Variants in ARL3 observed in about 807,000 individuals in gnomAD.
ARL3 encodes the protein ADP-ribosylation factor-like protein 3.
Under a neutral mutation model 26.0 loss-of-function variants are expected in ARL3, and 9 were observed. The observed-to-expected ratio is 0.35, with a 90% CI of 0.21 to 0.60. The LOEUF (loss-of-function observed/expected upper bound fraction) is 0.60. Ranked by LOEUF, ARL3 falls within the 20% of genes least tolerant of loss-of-function variation. ARL3 has a pLI of 0.78. For missense variants in ARL3, 158 were observed against 215.7 expected, an observed-to-expected ratio of 0.73 and a Z score of 1.67; for synonymous variants, 71 against 78.4, an observed-to-expected ratio of 0.91 and a Z score of 0.50.
chr10:102,676,012 C>T lies in ARL3; in HGVS notation c.*882G>A, dbSNP rs1399600518. The T allele has an allele frequency of 6.6e-6, 1 of 152,666 alleles. No homozygotes were observed. Among genetic ancestry groups the T allele is most frequent in the Non-Finnish European group, 1.5e-5 (1 of 68,056 alleles). 9.5% of individuals were successfully genotyped at this position (152,666 alleles called of 1,614,324 possible). On this transcript the variant is annotated 3_prime_UTR_variant, in exon 6 of 6. Transcript: ENST00000260746. ...GACGGCCGTGGAGAAGCCAGCTAATCTCAGAGTCGGCTGCTCACTGCTCCA... is the reference window on the plus strand; with the variant it reads ...GACGGCCGTGGAGAAGCCAGCTAATTTCAGAGTCGGCTGCTCACTGCTCCA...
intron 3 of ARL3, among the ~76,000 whole-genome samples, chr10:102,692,022 C>T (rs1381637692): frequency 6.6e-6 from 1 of 152,122 alleles, no homozygotes; most frequent in African/African-American, 2.4e-5. Context: ...GTACTAGTGT[C>T]GAGTACAAGG....
intron 3 of ARL3, among the ~76,000 whole-genome samples, chr10:102,693,416 T>C (rs1564731199): frequency 6.6e-6 from 1 of 152,240 alleles, no homozygotes; most frequent in African/African-American, 2.4e-5. Flanking sequence ...ACCATATTAT[T>C]GCTGTTTTAA....
chr10:102,676,746 G>A lies in ARL3; in HGVS notation c.*148C>T. 1.4e-6 allele frequency: 1 copy of A among 729,526 alleles called. No homozygotes were observed. Among genetic ancestry groups the A allele is most frequent in the Non-Finnish European group, 2.3e-6 (1 of 430,702 alleles). The allele number at this position is 729,526 out of a possible 1,614,324, so 45.2% of individuals were successfully genotyped here. On this transcript the variant is annotated 3_prime_UTR_variant, in exon 6 of 6. Coordinates refer to ENST00000260746, the MANE Select transcript of ARL3 (RefSeq NM_004311.4). ...TCAGTTAAATCTACTGCTGGAATGG[G>A]GATTCTTTCTAAACCGTGTTGTTCC...
rs914864735 is a variant in ARL3 at position 102,710,526 on chromosome 10, T to C, written c.3+3747A>G. On this transcript the variant is annotated intron_variant, in intron 1 of 5. Transcript: ENST00000260746. ...ATAGGGCTGAGTTTTGCAGTATAAA[T>C]ACAATGACATTAATTTTTAAAGTGC... Among the ~76,000 whole-genome samples, 6 of 152,204 alleles carry C rather than the reference T, an allele frequency of 3.9e-5. No homozygotes were observed. In the East Asian group the frequency reaches 1.2e-3, roughly 29 times the overall value.
intron 1 of ARL3, among the ~76,000 whole-genome samples, chr10:102,711,353 T>C (rs965714742): frequency 6.6e-6 from 1 of 150,906 alleles, no homozygotes; most frequent in African/African-American, 2.4e-5. Context: ...TATATATATA[T>C]GTATGTATAT....
At chr10:102,679,091 G>A (rs1049289305) in intron 5 of ARL3, among the ~76,000 whole-genome samples, 29 of 152,364 alleles carry the variant, frequency 1.9e-4, no homozygotes, top group African/African-American at 6.5e-4. Flanking sequence ...AATCTGAAGC[G>A]GCTAGTGCTT....
At chr10:102,708,874 T>C (rs2136010557) in intron 1 of ARL3, among the ~76,000 whole-genome samples, 1 of 122,624 alleles carries the variant, frequency 8.2e-6, no homozygotes, top group East Asian at 2.1e-4. Context: ...AAACAAAAAA[T>C]AAAACCATAT....
chr10:102,704,955 G>A (rs1430982087), intron 2 of ARL3, among the ~76,000 whole-genome samples: 4 of 152,080 alleles, frequency 2.6e-5, no homozygotes, highest in South Asian at 2.1e-4. Flanking sequence ...ACATTTTAAC[G>A]TTATAACATA....
intron 2 of ARL3, among the ~76,000 whole-genome samples, chr10:102,701,289 G>C (rs1163498619): frequency 6.6e-6 from 1 of 152,180 alleles, no homozygotes; most frequent in South Asian, 2.1e-4. Context: ...ATTTCATCCA[G>C]AATAACTGGA....
At chr10:102,708,908 A>AT (rs1554864095) in intron 1 of ARL3, among the ~76,000 whole-genome samples, 2,656 of 95,358 alleles carry the variant, frequency 0.028, 81 homozygotes, top group South Asian at 0.053. Flanking sequence ...ATATATATAT[A>AT]TTTTTTTTTT....
intron 1 of ARL3, among the ~76,000 whole-genome samples, chr10:102,711,619 T>G: frequency 6.6e-6 from 1 of 151,672 alleles, no homozygotes. Flanking sequence ...TAGCCGGGCG[T>G]GGTGGCGGGC....
At chr10:102,679,813 C>A (rs566262568) in intron 5 of ARL3, among the ~76,000 whole-genome samples, 1 of 152,198 alleles carries the variant, frequency 6.6e-6, no homozygotes, top group Admixed American at 6.5e-5. Context: ...GCTGCACAAT[C>A]CTCACATATT....
chr10:102,709,534 C>T (rs2136011050), intron 1 of ARL3, among the ~76,000 whole-genome samples: 1 of 148,434 alleles, frequency 6.7e-6, no homozygotes, highest in South Asian at 2.1e-4. Flanking sequence ...GCGGTTCCAG[C>T]TACTCAGGAG....
intron 3 of ARL3, among the ~76,000 whole-genome samples, chr10:102,698,979 C>T (rs556509239): frequency 2.0e-5 from 3 of 152,292 alleles, no homozygotes; most frequent in South Asian, 2.1e-4. Flanking sequence ...GTCTTTCAAC[C>T]ACTCCTTACA....
At chr10:102,705,185 T>A (rs1331672813) in intron 2 of ARL3, among the ~76,000 whole-genome samples, 161 bp downstream of exon 2, 1 of 152,198 alleles carries the variant, frequency 6.6e-6, no homozygotes, top group Non-Finnish European at 1.5e-5. Context: ...GAGAATGGAA[T>A]CTCTTACATA....
chr10:102,682,799 T>C (rs1170163389), intron 5 of ARL3, among the ~76,000 whole-genome samples: 3 of 152,222 alleles, frequency 2.0e-5, no homozygotes, highest in Non-Finnish European at 4.4e-5. Context: ...GTCCTTTTTT[T>C]ATTTTTAAAC....
chr10:102,679,144 C>A (rs1254139430), intron 5 of ARL3, among the ~76,000 whole-genome samples: 2 of 152,110 alleles, frequency 1.3e-5, no homozygotes, highest in East Asian at 3.9e-4. Flanking sequence ...GAGAACTGGG[C>A]TGGAGGTGGG....
chr10:102,699,531 G>C (rs766448229), intron 2 of ARL3, 42 bp from the exon 3 acceptor site: 2 of 1,205,436 alleles, frequency 1.7e-6, no homozygotes, highest in Non-Finnish European at 2.4e-6. Context: ...TAAACTTTGG[G>C]ATCATAATTC....
intron 1 of ARL3, among the ~76,000 whole-genome samples, chr10:102,711,161 T>C (rs2251772): frequency 0.21 from 31,393 of 152,132 alleles, 4,087 homozygotes; most frequent in Non-Finnish European, 0.28. Flanking sequence ...CTGTGTCTTC[T>C]TTCTCATCAC....
Sources: gnomAD v4.1 joint callset for allele counts (sites outside exome capture counted in the v4.1 genomes callset) on GRCh38, gnomAD v4.1.1 for gene constraint, MANE v1.5 for transcripts, NCBI Gene and HGNC (gene_info 2026-07-23, HGNC 2026-07-21) for gene names.